The following ZBTB20 variants were observed in gnomAD, a reference collection of about 807,000 sequenced individuals.
The protein encoded by ZBTB20 is zinc finger and BTB domain containing 20, also known as zinc finger and BTB domain-containing protein 20.
ZBTB20 carries 9 observed loss-of-function variants against 56.9 expected under a neutral mutation model. The ratio of observed to expected loss-of-function variants is 0.16; its 90% CI spans 0.10 to 0.28. ZBTB20 has a LOEUF of 0.28. ZBTB20 is among the 10% of genes least tolerant of loss of function. The pLI is 1.00. For synonymous variants in ZBTB20, 417 were observed against 420.7 expected (o/e 0.99, Z 0.11); for missense variants, 655 against 1,003.0 (o/e 0.65, Z 4.69).
intron 6 of ZBTB20, among the ~76,000 whole-genome samples, chr3:114,649,082 C>T (rs1204097470): frequency 6.6e-6 from 1 of 151,920 alleles, no homozygotes; most frequent in Non-Finnish European, 1.5e-5. Flanking sequence ...GATTTAATTA[C>T]CCCACAGTTT....
At chr3:114,526,228 T>C (rs961285593) in intron 6 of ZBTB20, among the ~76,000 whole-genome samples, 1 of 152,188 alleles carries the variant, frequency 6.6e-6, no homozygotes, top group East Asian at 1.9e-4. Context: ...CTACCTTGCA[T>C]ATTTAGAATA....
rs1576631609 is a variant in ZBTB20 at position 115,042,044 on chromosome 3, G to T, written c.-507+29175C>A. Among the ~76,000 whole-genome samples the T allele has an allele frequency of 2.0e-5, 3 of 152,134 alleles. No homozygotes were observed. In the South Asian group the frequency reaches 6.3e-4, roughly 32 times the overall value. On this transcript the variant is annotated intron_variant, in intron 2 of 11. Coordinates refer to ENST00000675478, the MANE Select transcript of ZBTB20 (RefSeq NM_001348800.3). ...CTAAGAATCCAATCCCTCAAGAGCT[G>T]TCATCGTTTTTGTTGTTGTTGATAC...
At chr3:114,721,662 A>G (rs1299940820) in intron 5 of ZBTB20, among the ~76,000 whole-genome samples, 1 of 152,184 alleles carries the variant, frequency 6.6e-6, no homozygotes, top group East Asian at 1.9e-4. Flanking sequence ...ATTCAAACCC[A>G]GGCAATCTGA....
chr3:114,730,410 G>T (rs952623875), intron 5 of ZBTB20, among the ~76,000 whole-genome samples: 4 of 152,166 alleles, frequency 2.6e-5, no homozygotes, highest in Admixed American at 2.6e-4. Context: ...AGGATTTGTG[G>T]ATATTAGGCA....
intron 6 of ZBTB20, among the ~76,000 whole-genome samples, chr3:114,586,974 T>TCAC: frequency 6.7e-6 from 1 of 149,344 alleles, no homozygotes; most frequent in East Asian, 2.0e-4. Flanking sequence ...TATACATAAC[T>TCAC]CTAGGTATAA....
chr3:114,666,052 C>T (rs1349676255), intron 6 of ZBTB20, among the ~76,000 whole-genome samples: 1 of 151,930 alleles, frequency 6.6e-6, no homozygotes, highest in Non-Finnish European at 1.5e-5. Context: ...TTCCTTTGTC[C>T]CTTGCATTCT....
chr3:114,627,341 C>T (rs998734), intron 6 of ZBTB20, among the ~76,000 whole-genome samples: 50,382 of 152,076 alleles, frequency 0.33, 10,321 homozygotes, highest in African/African-American at 0.57. Context: ...AATTACTCTG[C>T]GCTTCCAAAT....
At chr3:114,628,333 T>C (rs1366635905) in intron 6 of ZBTB20, among the ~76,000 whole-genome samples, 1 of 152,150 alleles carries the variant, frequency 6.6e-6, no homozygotes, top group Non-Finnish European at 1.5e-5. Context: ...GGAAAATAGC[T>C]TTCCCATGTA....
intron 7 of ZBTB20, among the ~76,000 whole-genome samples, chr3:114,395,907 A>G (rs2086291122): frequency 6.6e-6 from 1 of 152,154 alleles, no homozygotes; most frequent in South Asian, 2.1e-4. Flanking sequence ...CTCTGTTAAT[A>G]TAAGTTGCAC....
At chr3:114,384,787 T>C (rs1376178202) in intron 8 of ZBTB20, among the ~76,000 whole-genome samples, 3 of 152,284 alleles carry the variant, frequency 2.0e-5, no homozygotes, top group African/African-American at 4.8e-5. Context: ...CTAGACCATA[T>C]TGTATGTGGA....
chr3:114,551,838 T>C (rs959925461), intron 6 of ZBTB20, among the ~76,000 whole-genome samples: 2 of 152,230 alleles, frequency 1.3e-5, no homozygotes, highest in African/African-American at 4.8e-5. Context: ...TGTAAACTTC[T>C]AGGTATGGTT....
intron 6 of ZBTB20, among the ~76,000 whole-genome samples, chr3:114,603,878 C>A (rs530217253): frequency 1.3e-5 from 2 of 151,686 alleles, no homozygotes; most frequent in East Asian, 3.9e-4. Flanking sequence ...GGCAAAAATC[C>A]AAAAGCTTAA....
intron 6 of ZBTB20, among the ~76,000 whole-genome samples, chr3:114,638,774 A>G (rs1346035624): frequency 6.6e-6 from 1 of 151,984 alleles, no homozygotes; most frequent in Non-Finnish European, 1.5e-5. Context: ...ATGTAGCTCA[A>G]TTATTATATA....
intron 2 of ZBTB20, among the ~76,000 whole-genome samples, chr3:115,038,487 C>T (rs1020986141): frequency 1.3e-5 from 2 of 152,000 alleles, no homozygotes; most frequent in Non-Finnish European, 2.9e-5. Context: ...GATAAACATA[C>T]TTCATACTCT....
chr3:115,096,262 TA>T (rs1193379584), intron 1 of ZBTB20, among the ~76,000 whole-genome samples: 1 of 152,196 alleles, frequency 6.6e-6, no homozygotes, highest in Non-Finnish European at 1.5e-5. Context: ...ATGTAGGTAA[TA>T]CCTGATTTCT....
chr3:114,460,006 TAC>T (rs2092251445), intron 7 of ZBTB20, among the ~76,000 whole-genome samples: 1 of 151,986 alleles, frequency 6.6e-6, no homozygotes, highest in Admixed American at 6.6e-5. Flanking sequence ...TCTCTCAGTT[TAC>T]AGAGAAGAGC....
At chr3:114,525,119 C>T (rs2047070623) in intron 6 of ZBTB20, among the ~76,000 whole-genome samples, 1 of 152,136 alleles carries the variant, frequency 6.6e-6, no homozygotes, top group Non-Finnish European at 1.5e-5. Flanking sequence ...GCACTAATCG[C>T]TCTCTAAACT....
intron 2 of ZBTB20, among the ~76,000 whole-genome samples, chr3:115,014,456 G>A (rs1672489735): frequency 6.6e-6 from 1 of 151,464 alleles, no homozygotes. Context: ...TGCTTGAAGT[G>A]GTGGATACTC....
chr3:114,909,966 A>G (rs535076242), intron 3 of ZBTB20, among the ~76,000 whole-genome samples: 54 of 152,200 alleles, frequency 3.5e-4, no homozygotes, highest in African/African-American at 1.3e-3. Flanking sequence ...AAAAACAAAA[A>G]TGTAAAGACA....
Sources: gnomAD v4.1 joint callset for allele counts (sites outside exome capture counted in the v4.1 genomes callset) on GRCh38, gnomAD v4.1.1 for gene constraint, MANE v1.5 for transcripts, NCBI Gene and HGNC (gene_info 2026-07-23, HGNC 2026-07-21) for gene names.